Variants in SLC30A4 observed in about 807,000 individuals in gnomAD.
The protein encoded by SLC30A4 is probable proton-coupled zinc antiporter SLC30A4.
SLC30A4 carries 20 observed loss-of-function variants against 41.7 expected under a neutral mutation model. That is an observed-to-expected ratio of 0.48 (90% CI 0.34 to 0.70). SLC30A4 has a LOEUF of 0.70. Among genes scored for constraint, SLC30A4 ranks in the 30% least tolerant of loss-of-function variants. SLC30A4 has a pLI of 0.01. For missense variants in SLC30A4, 441 were observed against 529.3 expected (o/e 0.83, Z 1.64); for synonymous variants, 181 against 195.9 (o/e 0.92, Z 0.64).
chr15:45,489,688 A>G (rs995889753), intron 4 of SLC30A4, among the ~76,000 whole-genome samples: 4 of 151,386 alleles, frequency 2.6e-5, no homozygotes, highest in South Asian at 2.1e-4. Flanking sequence ...GTTAATGGGT[A>G]CAGCACACCA....
rs1265433730 is a variant in SLC30A4, at chr15:45,480,507, T to C, written c.*4656A>G. 1 of 152,208 alleles carries C rather than the reference T, an allele frequency of 6.6e-6. No individual in the cohort carries two copies. The highest frequency in any genetic ancestry group is 1.5e-5 in the Non-Finnish European group (1 of 68,040). 9.4% of individuals were successfully genotyped at this position (152,208 alleles called of 1,614,324 possible). ...AGACTTGCCTCCCCTCAACATAGCA[T>C]ATAGTGATGGGTGTTCATTTATGAC... On this transcript the variant is annotated 3_prime_UTR_variant, in exon 8 of 8. Coordinates refer to ENST00000261867, the MANE Select transcript of SLC30A4 (RefSeq NM_013309.6).
chr15:45,505,238 T>TA (rs1209222695), intron 3 of SLC30A4, among the ~76,000 whole-genome samples: 1,627 of 53,276 alleles, frequency 0.031, 9 homozygotes, highest in African/African-American at 0.048. Context: ...TCTCAAAAAT[T>TA]AAAAAAAAAA....
intron 2 of SLC30A4, among the ~76,000 whole-genome samples, chr15:45,513,180 T>A: frequency 6.7e-6 from 1 of 149,480 alleles, no homozygotes. Flanking sequence ...TTAGTGAAAC[T>A]AAGGAATTTA....
chr15:45,499,996 C>G (rs1468707470), intron 3 of SLC30A4, among the ~76,000 whole-genome samples: 1 of 152,162 alleles, frequency 6.6e-6, no homozygotes, highest in Non-Finnish European at 1.5e-5. Flanking sequence ...CTGATTTTTG[C>G]TAAAATGAAC....
intron 3 of SLC30A4, among the ~76,000 whole-genome samples, chr15:45,496,763 A>T (rs1891913899): frequency 6.6e-6 from 1 of 151,928 alleles, no homozygotes; most frequent in African/African-American, 2.4e-5. Flanking sequence ...TGGGAAGCTG[A>T]GGAGGACAGA....
intron 4 of SLC30A4, among the ~76,000 whole-genome samples, chr15:45,490,040 A>G (rs1891779982): frequency 6.6e-6 from 1 of 152,192 alleles, no homozygotes; most frequent in Non-Finnish European, 1.5e-5. Flanking sequence ...CAGAAAAAAA[A>G]TTGCTGACTC....
intron 2 of SLC30A4, chr15:45,513,896 G>C (rs960693466): frequency 1.3e-5 from 2 of 152,272 alleles, no homozygotes; most frequent in Non-Finnish European, 2.9e-5. Context: ...AGCTTGCCCT[G>C]TATGAACAGC....
intron 4 of SLC30A4, 112 bp downstream of exon 4, chr15:45,490,616 G>T: frequency 1.5e-6 from 1 of 663,452 alleles, no homozygotes; most frequent in Non-Finnish European, 2.4e-6. Flanking sequence ...AAGTTAATGA[G>T]TTATATCATT....
At position 45,486,776 on chromosome 15, in the gene SLC30A4, T is replaced by C. The variant is rs771723925; in HGVS notation, c.1001-31A>G. The C allele has an allele frequency of 7.7e-6, 10 of 1,292,172 alleles. No homozygotes were observed. In the East Asian group the frequency reaches 1.9e-4, roughly 24 times the overall value. 80.0% of individuals were successfully genotyped at this position (1,292,172 alleles called of 1,614,324 possible). ...AGGAATATATAATTTCTAAGTAAAA[T>C]TTATTTTGGAAATAAAGGAACTTTT... On this transcript the variant is annotated intron_variant, in intron 6 of 7. Coordinates refer to ENST00000261867, the MANE Select transcript of SLC30A4 (RefSeq NM_013309.6).
intron 2 of SLC30A4, among the ~76,000 whole-genome samples, chr15:45,520,277 T>C (rs914844402): frequency 6.6e-6 from 1 of 151,844 alleles, no homozygotes; most frequent in African/African-American, 2.4e-5. Flanking sequence ...TTTATTTACT[T>C]ATTTTTTTTT....
chr15:45,520,677 A>G (rs1166018566), intron 2 of SLC30A4, among the ~76,000 whole-genome samples: 1 of 152,190 alleles, frequency 6.6e-6, no homozygotes, highest in Non-Finnish European at 1.5e-5. Context: ...TAAGGCCCTG[A>G]CCTACTGCAG....
intron 3 of SLC30A4, among the ~76,000 whole-genome samples, chr15:45,507,237 T>C (rs956294434): frequency 4.0e-5 from 6 of 151,670 alleles, no homozygotes; most frequent in African/African-American, 1.5e-4. Context: ...GGAGAATCAC[T>C]TGAACCTGGG....
intron 3 of SLC30A4, among the ~76,000 whole-genome samples, chr15:45,500,670 T>C (rs1451593570): frequency 6.6e-6 from 1 of 151,280 alleles, no homozygotes; most frequent in East Asian, 2.0e-4. Context: ...CTATATGTTT[T>C]TGTTTTATTT....
At chr15:45,506,290 G>T (rs1892155234) in intron 3 of SLC30A4, among the ~76,000 whole-genome samples, 1 of 152,060 alleles carries the variant, frequency 6.6e-6, no homozygotes, top group African/African-American at 2.4e-5. Context: ...TAAATCAACA[G>T]AGAAAAAACC....
At chr15:45,506,645 C>T (rs1463333548) in intron 3 of SLC30A4, among the ~76,000 whole-genome samples, 1 of 152,104 alleles carries the variant, frequency 6.6e-6, no homozygotes, top group East Asian at 1.9e-4. Flanking sequence ...TTTCATAGAG[C>T]AGAATAAGTG....
chr15:45,490,614 G>T (rs1361911049), intron 4 of SLC30A4, 114 bp downstream of exon 4: 3 of 628,828 alleles, frequency 4.8e-6, no homozygotes, highest in East Asian at 2.9e-5. Flanking sequence ...AAAAGTTAAT[G>T]AGTTATATCA....
At chr15:45,521,007 A>T (rs555164334) in intron 2 of SLC30A4, 1 of 467,322 alleles carries the variant, frequency 2.1e-6, no homozygotes, top group Non-Finnish European at 4.4e-6. Context: ...AGCCCTGGGG[A>T]GGAGTGTTAT....
intron 2 of SLC30A4, chr15:45,520,986 T>C (rs1892649816): frequency 2.2e-6 from 1 of 464,468 alleles, no homozygotes; most frequent in Non-Finnish European, 4.4e-6. Flanking sequence ...AAGACCAGCA[T>C]GGCTGAAGCG....
rs1213304469 is a variant in SLC30A4 at position 45,483,283 on chromosome 15, T to A, written c.*1880A>T. ...TCATTTATATTGTAAGTCATCTGCA[T>A]GCTTATCTAGAATTTCAACTTACAA... On this transcript the variant is annotated 3_prime_UTR_variant, in exon 8 of 8. Coordinates refer to ENST00000261867, the MANE Select transcript of SLC30A4 (RefSeq NM_013309.6). The A allele has an allele frequency of 1.3e-5, 2 of 152,236 alleles. No individual in the cohort carries two copies. The highest frequency in any genetic ancestry group is 2.9e-5 in the Non-Finnish European group (2 of 68,034). The allele number at this position is 152,236 out of a possible 1,614,324, so 9.4% of individuals were successfully genotyped here. A position where few individuals can be genotyped will look rare whatever the true frequency, so the allele number is the denominator to read the frequency against.
Sources: allele counts gnomAD v4.1 joint callset (sites outside exome capture counted in the v4.1 genomes callset), GRCh38; gene constraint gnomAD v4.1.1; transcripts MANE v1.5; gene names NCBI Gene and HGNC (gene_info 2026-07-23, HGNC 2026-07-21).